Variants in ARHGAP24 observed in about 807,000 individuals in gnomAD.
ARHGAP24 encodes Rho GTPase activating protein 24, also known as rho GTPase-activating protein 24.
ARHGAP24 carries 50 observed loss-of-function variants against 76.4 expected under a neutral mutation model. The ratio of observed to expected loss-of-function variants is 0.65; its 90% CI spans 0.52 to 0.83. The LOEUF (loss-of-function observed/expected upper bound fraction) is 0.83, where lower values mean the gene tolerates loss of function less well. Ranked by LOEUF, ARHGAP24 falls within the 40% of genes least tolerant of loss-of-function variation. The pLI, the probability that ARHGAP24 is intolerant of heterozygous loss-of-function variation, is 0.00. For missense variants in ARHGAP24, 930 were observed against 914.2 expected, an observed-to-expected ratio of 1.02 and a Z score of -0.22; for synonymous variants, 345 against 323.3, an observed-to-expected ratio of 1.07 and a Z score of -0.72.
At chr4:85,790,616 A>G (rs1325224923) in intron 3 of ARHGAP24, among the ~76,000 whole-genome samples, 1 of 152,032 alleles carries the variant, frequency 6.6e-6, no homozygotes. Flanking sequence ...ATAAAGACAG[A>G]CTCTTGGTAG....
chr4:85,904,189 A>G (rs1043363333), intron 3 of ARHGAP24, among the ~76,000 whole-genome samples: 1 of 152,136 alleles, frequency 6.6e-6, no homozygotes, highest in African/African-American at 2.4e-5. Context: ...CCTGCAGGCT[A>G]TACAGGAAGC....
chr4:85,971,745 A>G (rs1322837448), intron 5 of ARHGAP24, among the ~76,000 whole-genome samples: 1 of 151,998 alleles, frequency 6.6e-6, no homozygotes, highest in Non-Finnish European at 1.5e-5. Context: ...GTATTCGTTA[A>G]CTATCCCCAC....
intron 2 of ARHGAP24, among the ~76,000 whole-genome samples, chr4:85,671,215 G>A (rs1324714685): frequency 6.6e-6 from 1 of 151,820 alleles, no homozygotes; most frequent in Non-Finnish European, 1.5e-5. Flanking sequence ...CCTCTAAATA[G>A]CCTTTCCTTC....
chr4:85,980,915 C>T (rs543013784), intron 8 of ARHGAP24, among the ~76,000 whole-genome samples: 8 of 152,184 alleles, frequency 5.3e-5, no homozygotes, highest in Non-Finnish European at 1.0e-4. Context: ...GCCACCAAAC[C>T]CAACTAGCAC....
intron 2 of ARHGAP24, among the ~76,000 whole-genome samples, chr4:85,664,270 T>G (rs1275750245): frequency 6.6e-6 from 1 of 151,176 alleles, no homozygotes; most frequent in Non-Finnish European, 1.5e-5. Context: ...ATTTATCCAT[T>G]TCTTCTGGAT....
At chr4:85,959,910 A>T (rs559712121) in intron 5 of ARHGAP24, among the ~76,000 whole-genome samples, 9 of 152,240 alleles carry the variant, frequency 5.9e-5, no homozygotes, top group African/African-American at 1.7e-4. Flanking sequence ...GTGACTAGTG[A>T]TGTTCAACCT....
chr4:85,797,152 A>AT (rs758994539), intron 3 of ARHGAP24, among the ~76,000 whole-genome samples: 72 of 136,708 alleles, frequency 5.3e-4, no homozygotes, highest in Middle Eastern at 3.8e-3. Flanking sequence ...AGGAAAAAAA[A>AT]TTTTTTTTGT....
At chr4:85,673,198 T>C (rs1460212123) in intron 2 of ARHGAP24, among the ~76,000 whole-genome samples, 1 of 152,154 alleles carries the variant, frequency 6.6e-6, no homozygotes, top group Non-Finnish European at 1.5e-5. Context: ...TTCCCTTTAG[T>C]GGCCTGGATT....
rs1056065315 is a variant in ARHGAP24, at chr4:85,498,451, T to C, written c.-21+22892T>C. ...ATTCTAAATTTTTCAATTATATTAA[T>C]GGAAAAAGGAGGAGAGCCCTAGAAG... On this transcript the variant is annotated intron_variant, in intron 1 of 9. Transcript: ENST00000395184. 4.6e-5 allele frequency among the ~76,000 whole-genome samples: 7 copies of C among 152,322 alleles called. No individual in the cohort carries two copies. In the East Asian group the frequency reaches 7.7e-4, roughly 17 times the overall value.
intron 3 of ARHGAP24, among the ~76,000 whole-genome samples, chr4:85,816,219 A>G (rs1186438114): frequency 6.6e-6 from 1 of 152,210 alleles, no homozygotes; most frequent in Non-Finnish European, 1.5e-5. Context: ...AGTGTTTTCA[A>G]TATAGTCATC....
At chr4:85,828,020 G>T in intron 3 of ARHGAP24, 1 of 1,256,312 alleles carries the variant, frequency 8.0e-7, no homozygotes, top group Non-Finnish European at 1.0e-6. Flanking sequence ...CAAATTGCCA[G>T]GTATTGTTGT....
chr4:85,920,741 C>T (rs968109496), intron 3 of ARHGAP24, among the ~76,000 whole-genome samples: 3 of 152,126 alleles, frequency 2.0e-5, no homozygotes, highest in Admixed American at 6.5e-5. Context: ...CAAAAGAAGA[C>T]ATACATGTGG....
At chr4:85,946,997 T>A (rs902550214) in intron 5 of ARHGAP24, among the ~76,000 whole-genome samples, 2 of 152,162 alleles carry the variant, frequency 1.3e-5, no homozygotes, top group African/African-American at 4.8e-5. Flanking sequence ...ACATCTGTTA[T>A]TTTTTGACTT....
chr4:85,674,195 C>T (rs1334366486), intron 2 of ARHGAP24, among the ~76,000 whole-genome samples: 11 of 152,122 alleles, frequency 7.2e-5, no homozygotes, highest in Non-Finnish European at 1.3e-4. Context: ...CAACAGTTTT[C>T]CTGGATGCTG....
chr4:85,531,240 A>G (rs1725247394), intron 1 of ARHGAP24, among the ~76,000 whole-genome samples: 1 of 152,062 alleles, frequency 6.6e-6, no homozygotes, highest in Non-Finnish European at 1.5e-5. Context: ...ATGGGAGAGG[A>G]CATTATTGTT....
chr4:85,839,477 A>G (rs935408171), intron 3 of ARHGAP24, among the ~76,000 whole-genome samples: 1 of 152,118 alleles, frequency 6.6e-6, no homozygotes, highest in Non-Finnish European at 1.5e-5. Context: ...TTTGAGATAG[A>G]GTCTCGCTCT....
intron 3 of ARHGAP24, among the ~76,000 whole-genome samples, chr4:85,760,355 C>T (rs1341695092): frequency 6.6e-6 from 1 of 152,098 alleles, no homozygotes; most frequent in Non-Finnish European, 1.5e-5. Context: ...TGTTTTATGA[C>T]TGACCGAGTC....
Position 85,988,434 on chromosome 4 carries a change from A to T in ARHGAP24, c.929-6149A>T, listed in dbSNP as rs141992544. ...GACAGAAAATGGAAGCAAACATGAA[A>T]GCAGACTACTTTAAGACTTTTAATT... On this transcript the variant is annotated intron_variant, in intron 8 of 9. Coordinates refer to ENST00000395184, the MANE Select transcript of ARHGAP24 (RefSeq NM_001025616.3). Among the ~76,000 whole-genome samples, 457 of 151,908 alleles carry T rather than the reference A, an allele frequency of 3.0e-3. 1 individual carries two copies. The highest frequency in any genetic ancestry group is 5.1e-3 in the Admixed American group (77 of 15,230).
chr4:85,973,235 A>G (rs1163704030), intron 6 of ARHGAP24, among the ~76,000 whole-genome samples: 1 of 152,170 alleles, frequency 6.6e-6, no homozygotes, highest in Non-Finnish European at 1.5e-5. Flanking sequence ...AACACGAGTA[A>G]AGTCGTATCT....
Sources: gnomAD v4.1 joint callset for allele counts (sites outside exome capture counted in the v4.1 genomes callset) on GRCh38, gnomAD v4.1.1 for gene constraint, MANE v1.5 for transcripts, NCBI Gene and HGNC (gene_info 2026-07-23, HGNC 2026-07-21) for gene names.